Variants in FUT8 observed in about 807,000 individuals in gnomAD.
FUT8 encodes fucosyltransferase 8.
Under a neutral mutation model 71.3 loss-of-function variants are expected in FUT8, and 29 were observed. The observed-to-expected ratio is 0.41, with a 90% CI of 0.30 to 0.55. The LOEUF (loss-of-function observed/expected upper bound fraction) is 0.55, where lower values mean the gene tolerates loss of function less well. Among genes scored for constraint, FUT8 ranks in the 20% least tolerant of loss-of-function variants. The pLI is 0.34. For missense variants in FUT8, 544 were observed against 702.1 expected (o/e 0.77, Z 2.55); for synonymous variants, 254 against 239.3 (o/e 1.06, Z -0.57).
At chr14:65,477,592 A>G (rs1339085463) in intron 2 of FUT8, among the ~76,000 whole-genome samples, 1 of 152,206 alleles carries the variant, frequency 6.6e-6, no homozygotes, top group African/African-American at 2.4e-5. Flanking sequence ...ACCTGCAGCT[A>G]ATCAAGTGAC....
intron 2 of FUT8, among the ~76,000 whole-genome samples, chr14:65,463,687 G>C (rs1437481191): frequency 6.6e-6 from 1 of 152,202 alleles, no homozygotes; most frequent in East Asian, 1.9e-4. Context: ...CTTCATTCCT[G>C]GGGCCATGGT....
intron 1 of FUT8, among the ~76,000 whole-genome samples, chr14:65,450,003 T>A (rs777187939): frequency 2.0e-5 from 3 of 152,212 alleles, no homozygotes; most frequent in Non-Finnish European, 2.9e-5. Context: ...TAGAGTTAAT[T>A]TTTGTCATCT....
intron 2 of FUT8, among the ~76,000 whole-genome samples, chr14:65,484,479 T>A (rs1217203660): frequency 6.6e-6 from 1 of 152,150 alleles, no homozygotes; most frequent in African/African-American, 2.4e-5. Flanking sequence ...CAGTTTTTTT[T>A]AATGTGTTGA....
chr14:65,370,421 G>A, the FUT8 span, among the ~76,000 whole-genome samples: 1 of 151,470 alleles, frequency 6.6e-6, no homozygotes, highest in African/African-American at 2.4e-5. Context: ...TGTCAGCCAG[G>A]ATGGTCTTGA....
chr14:65,646,167 C>T (rs1158436352), intron 6 of FUT8: 6 of 152,182 alleles, frequency 3.9e-5, no homozygotes, highest in African/African-American at 1.2e-4. Flanking sequence ...ACCGTGCAAG[C>T]AAGGGTCCCT....
chr14:65,661,802 AT>A (rs1335130714), intron 6 of FUT8, among the ~76,000 whole-genome samples: 11 of 152,198 alleles, frequency 7.2e-5, no homozygotes, highest in Admixed American at 7.2e-4. Flanking sequence ...TTGATTGAAA[AT>A]TGTTCTTTTT....
At chr14:65,736,147 T>A (rs1020706690) in intron 10 of FUT8, among the ~76,000 whole-genome samples, 5 of 152,112 alleles carry the variant, frequency 3.3e-5, no homozygotes, top group African/African-American at 1.2e-4. Flanking sequence ...TTTATTTTTC[T>A]ACATGTGAAA....
chr14:65,710,582 G>T (rs1894766209), intron 7 of FUT8, among the ~76,000 whole-genome samples: 1 of 152,018 alleles, frequency 6.6e-6, no homozygotes, highest in South Asian at 2.1e-4. Context: ...ATATTTGTTG[G>T]TGATGATTTT....
the FUT8 span, among the ~76,000 whole-genome samples, chr14:65,390,537 T>C: frequency 1.3e-5 from 2 of 151,850 alleles, no homozygotes; most frequent in Non-Finnish European, 2.9e-5. Context: ...TATACATAAA[T>C]TGACTTTTTT....
chr14:65,362,198 G>C, the FUT8 span, among the ~76,000 whole-genome samples: 1 of 152,154 alleles, frequency 6.6e-6, no homozygotes, highest in South Asian at 2.1e-4. Flanking sequence ...AGCTATGATT[G>C]TTCTAACAAG....
rs73282285 is a variant in FUT8 at position 65,419,663 on chromosome 14, A to G, written c.-326+6449A>G. On this transcript the variant is annotated intron_variant, in intron 1 of 10. Transcript: ENST00000673929. The stretch of plus-strand genomic sequence containing the variant: ...ATTTTGAGAAAGTTGATTCTTTACA[A>G]TTAGAACTAAGCCAGGGTAAACAAT... Among the ~76,000 whole-genome samples the G allele has an allele frequency of 1.9e-3, 292 of 152,334 alleles. 3 individuals carry two copies. The highest frequency in any genetic ancestry group is 6.7e-3 in the African/African-American group (279 of 41,574).
At chr14:65,732,858 C>T (rs1896042299) in intron 9 of FUT8, among the ~76,000 whole-genome samples, 1 of 152,106 alleles carries the variant, frequency 6.6e-6, no homozygotes, top group African/African-American at 2.4e-5. Flanking sequence ...GAGGTTTTAT[C>T]ACAGTATTTG....
At chr14:65,519,817 C>G (rs1266633151) in intron 2 of FUT8, among the ~76,000 whole-genome samples, 1 of 152,002 alleles carries the variant, frequency 6.6e-6, no homozygotes, top group Non-Finnish European at 1.5e-5. Context: ...CTTCCTCTTT[C>G]ACTGAGGCTG....
chr14:65,706,391 A>G (rs558653012), intron 7 of FUT8, among the ~76,000 whole-genome samples: 5 of 152,102 alleles, frequency 3.3e-5, no homozygotes, highest in Non-Finnish European at 7.4e-5. Context: ...CAGCAAGACT[A>G]TGGGTTTCAG....
intron 1 of FUT8, among the ~76,000 whole-genome samples, chr14:65,446,075 A>T (rs756258559): frequency 6.6e-6 from 1 of 152,268 alleles, no homozygotes; most frequent in Non-Finnish European, 1.5e-5. Context: ...CCCAAGTGAT[A>T]CTATATCCTT....
chr14:65,547,998 A>C (rs28527359), intron 2 of FUT8, among the ~76,000 whole-genome samples: 4,815 of 152,018 alleles, frequency 0.032, 269 homozygotes, highest in African/African-American at 0.11. Context: ...TCTCTAATCT[A>C]TGGCAATTTC....
At chr14:65,719,746 A>G (rs1380714499) in intron 7 of FUT8, among the ~76,000 whole-genome samples, 1 of 152,170 alleles carries the variant, frequency 6.6e-6, no homozygotes, top group Non-Finnish European at 1.5e-5. Context: ...TAAGGTCTAG[A>G]AGAATTCTCT....
the FUT8 span, among the ~76,000 whole-genome samples, chr14:65,395,364 C>G: frequency 6.6e-6 from 1 of 152,234 alleles, no homozygotes; most frequent in Non-Finnish European, 1.5e-5. Flanking sequence ...CTGCACTGCC[C>G]TAGCAGAGGT....
the FUT8 span, among the ~76,000 whole-genome samples, chr14:65,384,524 C>A: frequency 2.0e-5 from 3 of 152,184 alleles, no homozygotes; most frequent in Non-Finnish European, 4.4e-5. This position sits in a 1 kb window ranked among gnomAD's most constrained non-coding sequence, Gnocchi z 4.2. Flanking sequence ...CCAGTTATTT[C>A]AATTCTCTAT....
Sources: gnomAD v4.1 joint callset for allele counts (sites outside exome capture counted in the v4.1 genomes callset) on GRCh38, gnomAD v4.1.1 for gene constraint, Gnocchi (gnomAD v3.1) non-coding constraint, MANE v1.5 for transcripts, NCBI Gene and HGNC (gene_info 2026-07-23, HGNC 2026-07-21) for gene names.